The following MYO10 variants were observed in gnomAD, a reference collection of about 807,000 sequenced individuals.
The protein encoded by MYO10 is myosin X, also known as unconventional myosin-X.
A neutral mutation model predicts 257.3 loss-of-function variants in MYO10; 133 were observed. The ratio of observed to expected loss-of-function variants is 0.52; its 90% CI spans 0.45 to 0.60. The LOEUF is 0.60. MYO10 is among the 20% of genes least tolerant of loss of function. MYO10 has a pLI of 0.00. For synonymous variants in MYO10, 1,104 were observed against 1,028.6 expected (o/e 1.07, Z -1.40); for missense variants, 2,399 against 2,635.7 (o/e 0.91, Z 1.97).
chr5:16,728,485 G>A (rs926095522), intron 19 of MYO10, among the ~76,000 whole-genome samples: 8 of 150,882 alleles, frequency 5.3e-5, no homozygotes, highest in Non-Finnish European at 8.8e-5. Flanking sequence ...CCCCTGGATC[G>A]CCAAAACTAG....
chr5:16,725,881 G>A (rs1392567782), intron 19 of MYO10, among the ~76,000 whole-genome samples: 2 of 151,044 alleles, frequency 1.3e-5, no homozygotes, highest in African/African-American at 2.4e-5. Flanking sequence ...TCCACTTCCT[G>A]GGTTCAAGCG....
At chr5:16,781,979 C>T in intron 5 of MYO10, 150 bp from the exon 6 acceptor site, 1 of 971,094 alleles carries the variant, frequency 1.0e-6, no homozygotes, top group Non-Finnish European at 1.5e-6. Flanking sequence ...CCGGAAGAGC[C>T]AGATTTTCAA....
At chr5:16,703,218 A>T in intron 22 of MYO10, 60 bp from the exon 23 acceptor site, 1 of 1,295,138 alleles carries the variant, frequency 7.7e-7, no homozygotes, top group Non-Finnish European at 1.1e-6. Context: ...GAGCTATTCA[A>T]ATGAGCTCAC....
At chr5:16,935,486 G>A (rs1405145243) in intron 1 of MYO10, among the ~76,000 whole-genome samples, 1 of 151,988 alleles carries the variant, frequency 6.6e-6, no homozygotes, top group East Asian at 1.9e-4. Flanking sequence ...CCGCGCCCCG[G>A]CGCGCGCCGC....
At chr5:16,915,257 A>T (rs1745782657) in intron 1 of MYO10, among the ~76,000 whole-genome samples, 1 of 152,224 alleles carries the variant, frequency 6.6e-6, no homozygotes, top group East Asian at 1.9e-4. Flanking sequence ...CTGGGTTCCA[A>T]GCCATAGGTA....
intron 19 of MYO10, among the ~76,000 whole-genome samples, chr5:16,723,371 G>C (rs1739230295): frequency 1.3e-5 from 2 of 151,996 alleles, no homozygotes; most frequent in Admixed American, 1.3e-4. Flanking sequence ...CTGGGTGACA[G>C]AGCGAGACTC....
intron 26 of MYO10, among the ~76,000 whole-genome samples, chr5:16,696,314 A>C (rs1737743360): frequency 6.6e-6 from 1 of 152,226 alleles, no homozygotes; most frequent in Admixed American, 6.5e-5. Flanking sequence ...TTTGGTTGTA[A>C]AAATTTATTT....
At chr5:16,851,012 A>G (rs1335836884) in intron 2 of MYO10, among the ~76,000 whole-genome samples, 1 of 151,896 alleles carries the variant, frequency 6.6e-6, no homozygotes, top group African/African-American at 2.4e-5. Flanking sequence ...CTTGTTGGCC[A>G]GGCTGCTCTT....
Position 16,719,428 on chromosome 5 carries a change from T to C in MYO10, c.1930-8183A>G, listed in dbSNP as rs371847526. On this transcript the variant is annotated intron_variant, in intron 19 of 40. Transcript: ENST00000513610. ...CACACTGGTAACATGTGGCACTGTA[T>C]CCCAAGGATGATGCCCTGCATGTGA... 2.4e-4 allele frequency among the ~76,000 whole-genome samples: 37 copies of C among 152,314 alleles called. No homozygotes were observed. The South Asian group carries it at 7.7e-3, about 32-fold the overall frequency.
chr5:16,815,550 A>ATT, intron 3 of MYO10: 1 of 655,804 alleles, frequency 1.5e-6, no homozygotes, highest in Admixed American at 2.5e-5. Flanking sequence ...AATGGCATTT[A>ATT]TTTTATAAAC....
At chr5:16,748,621 A>AGAGG (rs34338717) in intron 19 of MYO10, among the ~76,000 whole-genome samples, 4,882 of 135,234 alleles carry the variant, frequency 0.036, 315 homozygotes, top group African/African-American at 0.13. Flanking sequence ...AGAGAGGGAG[A>AGAGG]GAGGGAGGGA....
chr5:16,805,040 T>C (rs375008648), intron 3 of MYO10, among the ~76,000 whole-genome samples: 2 of 152,342 alleles, frequency 1.3e-5, no homozygotes, highest in East Asian at 3.9e-4. Context: ...CACTGAAGTA[T>C]AGGCTACATG....
chr5:16,833,108 G>C (rs1743206328), intron 2 of MYO10, among the ~76,000 whole-genome samples: 1 of 152,040 alleles, frequency 6.6e-6, no homozygotes, highest in Admixed American at 6.6e-5. Flanking sequence ...TCTGCCTCTA[G>C]CATCCTGTGG....
intron 19 of MYO10, among the ~76,000 whole-genome samples, chr5:16,750,603 C>T (rs1740351969): frequency 6.6e-6 from 1 of 152,136 alleles, no homozygotes; most frequent in Admixed American, 6.5e-5. Context: ...GGCACAAAAG[C>T]AGCTACAGGT....
intron 1 of MYO10, among the ~76,000 whole-genome samples, chr5:16,894,727 T>C (rs751915454): frequency 1.3e-5 from 2 of 152,146 alleles, no homozygotes; most frequent in African/African-American, 4.8e-5. Context: ...AAACAGATCA[T>C]TGAAACTTGA....
intron 2 of MYO10, among the ~76,000 whole-genome samples, chr5:16,833,534 T>C (rs1466445364): frequency 2.0e-5 from 3 of 152,136 alleles, no homozygotes; most frequent in African/African-American, 7.2e-5. Flanking sequence ...TTAATGACAA[T>C]TTTTCTTGGC....
At chr5:16,828,121 G>T (rs555869157) in intron 2 of MYO10, among the ~76,000 whole-genome samples, 1 of 152,280 alleles carries the variant, frequency 6.6e-6, no homozygotes, top group South Asian at 2.1e-4. Flanking sequence ...AAAGGCATTA[G>T]TATCTCCGCG....
intron 18 of MYO10, among the ~76,000 whole-genome samples, chr5:16,757,024 C>A (rs1740547389): frequency 6.7e-6 from 1 of 148,824 alleles, no homozygotes; most frequent in Non-Finnish European, 1.5e-5. Context: ...GAGGCTGAGG[C>A]AGAAGAATCT....
chr5:16,723,990 G>A (rs1739257443), intron 19 of MYO10, among the ~76,000 whole-genome samples: 1 of 152,170 alleles, frequency 6.6e-6, no homozygotes, highest in Non-Finnish European at 1.5e-5. Context: ...TTTTAGGGAA[G>A]TGACACTATT....
Sources: gnomAD v4.1 joint callset for allele counts (sites outside exome capture counted in the v4.1 genomes callset) on GRCh38, gnomAD v4.1.1 for gene constraint, MANE v1.5 for transcripts, NCBI Gene and HGNC (gene_info 2026-07-23, HGNC 2026-07-21) for gene names.